ASIC2: variants seen among roughly 807,000 people sequenced by gnomAD.
ASIC2 encodes acid-sensing ion channel 2.
Under a neutral mutation model 57.3 loss-of-function variants are expected in ASIC2, and 25 were observed. The observed-to-expected ratio is 0.44, with a 90% CI of 0.32 to 0.61. ASIC2 has a LOEUF of 0.61. Among genes scored for constraint, ASIC2 ranks in the 20% least tolerant of loss-of-function variants. The probability of loss-of-function intolerance (pLI) is 0.06; values close to 1 mark genes in which losing one functional copy is unlikely to be tolerated. For missense variants in ASIC2, 641 were observed against 738.1 expected, an observed-to-expected ratio of 0.87 and a Z score of 1.52; for synonymous variants, 319 against 307.5, an observed-to-expected ratio of 1.04 and a Z score of -0.39.
rs150853982 is a variant in ASIC2 at position 33,136,372 on chromosome 17, C to A, written c.709-24305G>T. Among the ~76,000 whole-genome samples, 535 of 152,266 alleles carry A rather than the reference C, an allele frequency of 3.5e-3. 2 individuals carry two copies. Among genetic ancestry groups the A allele is most frequent in the South Asian group, 0.026 (127 of 4,824 alleles). On this transcript the variant is annotated intron_variant, in intron 1 of 9. Coordinates refer to ENST00000225823, the MANE Select transcript of ASIC2 (RefSeq NM_183377.2). ...ATACACACAATAAAACAAGTAATGA[C>A]AATAAAGTGTATAGAATGTTATATG...
chr17:33,300,486 C>T (rs1905909520), intron 1 of ASIC2, among the ~76,000 whole-genome samples: 1 of 152,144 alleles, frequency 6.6e-6, no homozygotes, highest in Non-Finnish European at 1.5e-5. Context: ...TCAGATTTTC[C>T]CTTAACCCTT....
At chr17:34,039,189 T>C (rs2142043901) in intron 1 of ASIC2, 2 of 1,614,044 alleles carry the variant, frequency 1.2e-6, no homozygotes, top group Non-Finnish European at 1.7e-6. Flanking sequence ...CCTTCTTCTC[T>C]AAGTCAGAAT....
intron 1 of ASIC2, among the ~76,000 whole-genome samples, chr17:33,842,968 G>A (rs1913484194): frequency 6.6e-6 from 1 of 152,220 alleles, no homozygotes; most frequent in Non-Finnish European, 1.5e-5. Flanking sequence ...GTGGCAGTTA[G>A]AACTGAGCTC....
At chr17:33,177,439 A>C (rs899286654) in intron 1 of ASIC2, among the ~76,000 whole-genome samples, 3 of 152,178 alleles carry the variant, frequency 2.0e-5, no homozygotes, top group Admixed American at 6.5e-5. Flanking sequence ...ATGGTCTTAG[A>C]GAGGAGGGCT....
chr17:33,661,118 G>T (rs924541031), intron 1 of ASIC2, among the ~76,000 whole-genome samples: 3 of 152,148 alleles, frequency 2.0e-5, no homozygotes, highest in African/African-American at 7.2e-5. Flanking sequence ...CTCTGCCCCC[G>T]CTGCTGTCTT....
intron 1 of ASIC2, among the ~76,000 whole-genome samples, chr17:33,581,731 G>A (rs1448397572): frequency 1.3e-5 from 2 of 152,332 alleles, no homozygotes; most frequent in East Asian, 3.9e-4. Context: ...AAAGGATGAA[G>A]TGAATTGGTG....
intron 1 of ASIC2, among the ~76,000 whole-genome samples, chr17:33,774,200 T>A (rs1911198542): frequency 2.6e-5 from 4 of 152,214 alleles, no homozygotes; most frequent in Admixed American, 6.5e-5. Flanking sequence ...GACATTAATT[T>A]GTTATTTCAG....
chr17:33,973,010 T>C lies in ASIC2; in HGVS notation c.555+182968A>G, dbSNP rs78612561. Among the ~76,000 whole-genome samples the C allele has an allele frequency of 1.6e-4, 24 of 152,358 alleles. No homozygotes were observed. In the East Asian group the frequency reaches 4.1e-3, roughly 26 times the overall value. ...GGTCAGGTGGTCAGCACCAGAGTTA[T>C]GCCTAGGGCCAGCCCTGAATGTGGC... On this transcript the variant is annotated intron_variant, in intron 1 of 9. Coordinates refer to the ASIC2 transcript ENST00000359872.
intron 1 of ASIC2, among the ~76,000 whole-genome samples, chr17:33,804,800 CT>C (rs1254769360): frequency 3.9e-5 from 6 of 152,128 alleles, no homozygotes; most frequent in Non-Finnish European, 8.8e-5. Context: ...TATATTAATC[CT>C]TTAGACCTGA....
At chr17:33,029,844 C>T (rs2091874601) in intron 3 of ASIC2, among the ~76,000 whole-genome samples, 2 of 152,228 alleles carry the variant, frequency 1.3e-5, no homozygotes, top group African/African-American at 4.8e-5. Flanking sequence ...TGTATGGTTG[C>T]ATCTCATTTG....
chr17:33,861,856 C>T (rs1448242488), intron 1 of ASIC2, among the ~76,000 whole-genome samples: 1 of 152,130 alleles, frequency 6.6e-6, no homozygotes, highest in African/African-American at 2.4e-5. Flanking sequence ...ACTGACAATT[C>T]CCGCTTACTC....
At chr17:33,018,047 C>G (rs2091816156) in intron 7 of ASIC2, among the ~76,000 whole-genome samples, 1 of 152,188 alleles carries the variant, frequency 6.6e-6, no homozygotes, top group African/African-American at 2.4e-5. Context: ...TGTGTGTGGA[C>G]TGGTGACAGG....
chr17:33,857,208 C>G lies in ASIC2; in HGVS notation c.555+298770G>C, dbSNP rs767898892. 6.0e-4 allele frequency among the ~76,000 whole-genome samples: 92 copies of G among 152,288 alleles called. 1 individual carries two copies. The highest frequency in any genetic ancestry group is 7.8e-4 in the Admixed American group (12 of 15,296). ...CCTTTCTGCTGCTGGTCAACCAGTG[C>G]TGTCCCAGACATGACGTATCTTGAC... On this transcript the variant is annotated intron_variant, in intron 1 of 9. Transcript: ENST00000359872.
intron 1 of ASIC2, among the ~76,000 whole-genome samples, chr17:33,494,229 G>A (rs1913855663): frequency 6.6e-6 from 1 of 152,176 alleles, no homozygotes; most frequent in Non-Finnish European, 1.5e-5. Flanking sequence ...TGTTGTTTGG[G>A]GATCAGTAGG....
At chr17:33,015,590 G>C in intron 9 of ASIC2, among the ~76,000 whole-genome samples, 1 of 152,188 alleles carries the variant, frequency 6.6e-6, no homozygotes, top group African/African-American at 2.4e-5. Context: ...TGGGATGGAG[G>C]GCCAATGATG....
chr17:33,728,526 G>A (rs1909635141), intron 1 of ASIC2, among the ~76,000 whole-genome samples: 1 of 152,076 alleles, frequency 6.6e-6, no homozygotes, highest in Non-Finnish European at 1.5e-5. Flanking sequence ...TTATTTATCG[G>A]TCTGACCTTT....
intron 1 of ASIC2, among the ~76,000 whole-genome samples, chr17:33,634,101 C>A (rs1348064623): frequency 6.6e-6 from 1 of 151,952 alleles, no homozygotes; most frequent in Non-Finnish European, 1.5e-5. Flanking sequence ...GTTGGACTTC[C>A]CATTCACGTG....
At chr17:33,905,349 G>A (rs1666334273) in intron 1 of ASIC2, among the ~76,000 whole-genome samples, 1 of 151,990 alleles carries the variant, frequency 6.6e-6, no homozygotes, top group Non-Finnish European at 1.5e-5. Flanking sequence ...TTCAGACCCA[G>A]GACAGACATG....
intron 1 of ASIC2, among the ~76,000 whole-genome samples, chr17:33,128,126 A>G (rs758672542): frequency 6.6e-6 from 1 of 152,206 alleles, no homozygotes; most frequent in Non-Finnish European, 1.5e-5. Context: ...TCCTCCAGAA[A>G]GCCTTCCCTG....
Sources: allele counts gnomAD v4.1 joint callset (sites outside exome capture counted in the v4.1 genomes callset), GRCh38; gene constraint gnomAD v4.1.1; transcripts MANE v1.5; gene names NCBI Gene and HGNC (gene_info 2026-07-23, HGNC 2026-07-21).